The following SNAP91 variants were observed in gnomAD, a reference collection of about 807,000 sequenced individuals.
SNAP91 encodes the protein clathrin coat assembly protein AP180.
In SNAP91, 27 loss-of-function variants were observed where a neutral mutation model predicts 100.3. That is an observed-to-expected ratio of 0.27 (90% confidence interval 0.20 to 0.37). The LOEUF (loss-of-function observed/expected upper bound fraction) is 0.37. SNAP91 is among the 10% of genes least tolerant of loss of function. The probability of loss-of-function intolerance (pLI) is 1.00; values close to 1 mark genes in which losing one functional copy is unlikely to be tolerated. For synonymous variants in SNAP91, 404 were observed against 398.6 expected (o/e 1.01, Z -0.16); for missense variants, 986 against 1,123.7 (o/e 0.88, Z 1.75).
At chr6:83,600,369 T>C (rs115998079) in intron 16 of SNAP91, among the ~76,000 whole-genome samples, 1 of 152,316 alleles carries the variant, frequency 6.6e-6, no homozygotes, top group African/African-American at 2.4e-5. Context: ...CTCTCTTGCT[T>C]TCACCATTTT....
rs1415756885 is a variant in SNAP91 at position 83,678,752 on chromosome 6, C to T, written c.131-13171G>A. The T allele has an allele frequency of 3.1e-6, 4 of 1,289,518 alleles. No individual in the cohort carries two copies. The South Asian group carries it at 4.9e-5, about 16-fold the overall frequency. 79.9% of individuals were successfully genotyped at this position (1,289,518 alleles called of 1,614,324 possible). A position where few individuals can be genotyped will look rare whatever the true frequency, so the allele number is the denominator to read the frequency against. ...GGCACCATCTCCCAGCATTATCCCACCTCTTTGGCCTTACCAAAGCCTTAC... is the reference window on the plus strand; with the variant it reads ...GGCACCATCTCCCAGCATTATCCCATCTCTTTGGCCTTACCAAAGCCTTAC... On this transcript the variant is annotated intron_variant, in intron 2 of 29. Coordinates refer to ENST00000369694, the MANE Select transcript of SNAP91 (RefSeq NM_001242792.2).
In SNAP91 at chr6:83,605,671, C is replaced by G; in HGVS notation, c.1141+14G>C. 1 of 1,550,836 alleles carries G rather than the reference C, an allele frequency of 6.4e-7. No individual in the cohort carries two copies. ...ATGAATAGAGAAATGGCAAGGTTGT[C>G]TGGTTTTACTCACCTCCCCATGCAG... is the stretch of plus-strand genomic sequence containing the variant. On this transcript the variant is annotated intron_variant, in intron 14 of 29. Coordinates refer to ENST00000369694, the MANE Select transcript of SNAP91 (RefSeq NM_001242792.2).
rs983829307 is a variant in SNAP91, at chr6:83,580,719, A to G, written c.2150-120T>C. The G allele has an allele frequency of 6.4e-6, 6 of 935,674 alleles. 1 individual carries two copies. The highest frequency in any genetic ancestry group is 6.2e-6 in the Non-Finnish European group (4 of 647,672). 58.0% of individuals were successfully genotyped at this position (935,674 alleles called of 1,614,324 possible). A position where few individuals can be genotyped will look rare whatever the true frequency, so the allele number is the denominator to read the frequency against. On this transcript the variant is annotated intron_variant, in intron 23 of 29. Coordinates refer to ENST00000369694, the MANE Select transcript of SNAP91 (RefSeq NM_001242792.2). ...AAGTGAATATAAAATCTTATAAAAG[A>G]AGGCAAGTAATTCACACTTTTCATG...
At chr6:83,641,509 T>G (rs1366535702) in intron 7 of SNAP91, among the ~76,000 whole-genome samples, 1 of 152,198 alleles carries the variant, frequency 6.6e-6, no homozygotes, top group African/African-American at 2.4e-5. Context: ...ATATCCTGTC[T>G]TGGAAAACAG....
chr6:83,639,974 T>C (rs367863248), intron 8 of SNAP91, among the ~76,000 whole-genome samples: 72 of 152,264 alleles, frequency 4.7e-4, no homozygotes, highest in African/African-American at 1.7e-3. Flanking sequence ...TAAGCAATTC[T>C]ATCATTTCTT....
At chr6:83,580,130 C>T (rs1825921299) in intron 24 of SNAP91, among the ~76,000 whole-genome samples, 1 of 152,028 alleles carries the variant, frequency 6.6e-6, no homozygotes, top group Non-Finnish European at 1.5e-5. Flanking sequence ...TTCTTATTTC[C>T]AAATGAAATG....
chr6:83,568,206 G>A (rs5001417), intron 26 of SNAP91, among the ~76,000 whole-genome samples: 67,031 of 151,834 alleles, frequency 0.44, 15,136 homozygotes, highest in South Asian at 0.53. Context: ...GGACATGGAT[G>A]AAGCTGGAAA....
intron 2 of SNAP91, among the ~76,000 whole-genome samples, chr6:83,696,381 C>T (rs1297619784): frequency 6.6e-6 from 1 of 152,154 alleles, no homozygotes; most frequent in African/African-American, 2.4e-5. Context: ...TCAGTATTAA[C>T]ACATACAGAA....
intron 2 of SNAP91, among the ~76,000 whole-genome samples, chr6:83,667,006 C>A (rs2098699603): frequency 6.6e-6 from 1 of 152,020 alleles, no homozygotes; most frequent in Non-Finnish European, 1.5e-5. Context: ...GCACTGTGTA[C>A]AATATTTATT....
intron 2 of SNAP91, among the ~76,000 whole-genome samples, chr6:83,697,096 G>C (rs1224549669): frequency 6.6e-6 from 1 of 151,900 alleles, no homozygotes; most frequent in East Asian, 1.9e-4. Context: ...ACTGCTTGTC[G>C]AAAGCCCCCA....
intron 26 of SNAP91, among the ~76,000 whole-genome samples, chr6:83,564,254 A>G (rs1793151412): frequency 6.6e-6 from 1 of 152,004 alleles, no homozygotes; most frequent in South Asian, 2.1e-4. Context: ...AATATGTCAG[A>G]CGGTCAATTA....
rs566745160 is a variant in SNAP91, at chr6:83,668,484, G to A, written c.131-2903C>T. On this transcript the variant is annotated intron_variant, in intron 2 of 29. Transcript: ENST00000369694. ...AGAAAATGTGGCACATATACACCACGGAATACTATGCAGCCATAAAAAATG... is the reference window on the plus strand; with the variant it reads ...AGAAAATGTGGCACATATACACCACAGAATACTATGCAGCCATAAAAAATG... Among the ~76,000 whole-genome samples the A allele has an allele frequency of 1.4e-3, 218 of 152,154 alleles. 2 individuals are homozygous for A. Among genetic ancestry groups the A allele is most frequent in the African/African-American group, 2.3e-3 (94 of 41,504 alleles).
intron 14 of SNAP91, among the ~76,000 whole-genome samples, chr6:83,604,523 A>G (rs1369380041): frequency 6.6e-6 from 1 of 152,154 alleles, no homozygotes; most frequent in East Asian, 1.9e-4. Flanking sequence ...TGGAAATGAG[A>G]TCAAGAGATT....
At chr6:83,596,849 T>C (rs1460923024) in intron 16 of SNAP91, among the ~76,000 whole-genome samples, 6 of 152,232 alleles carry the variant, frequency 3.9e-5, no homozygotes, top group Non-Finnish European at 8.8e-5. Flanking sequence ...CTGAGCTTTA[T>C]GTGTTTAGCC....
chr6:83,571,693 A>C (rs1363022321), intron 26 of SNAP91, among the ~76,000 whole-genome samples: 2 of 152,196 alleles, frequency 1.3e-5, no homozygotes, highest in East Asian at 3.8e-4. Context: ...TTTTGAGTTA[A>C]TGTTAAAATG....
intron 22 of SNAP91, among the ~76,000 whole-genome samples, chr6:83,585,679 G>C (rs986762046): frequency 6.6e-6 from 1 of 152,010 alleles, no homozygotes; most frequent in African/African-American, 2.4e-5. Context: ...TTGATACACT[G>C]CTTTTTAATC....
chr6:83,610,446 A>T (rs1385655609), intron 12 of SNAP91, among the ~76,000 whole-genome samples: 1 of 151,080 alleles, frequency 6.6e-6, no homozygotes, highest in African/African-American at 2.4e-5. Flanking sequence ...TTGCCAGGGG[A>T]TCGGGGAGAG....
chr6:83,687,079 C>G (rs1052752219), intron 2 of SNAP91, among the ~76,000 whole-genome samples: 12 of 152,142 alleles, frequency 7.9e-5, no homozygotes, highest in African/African-American at 2.9e-4. Context: ...TTACAGTTAG[C>G]CAGGTACCCT....
intron 2 of SNAP91, chr6:83,678,814 G>A: frequency 7.8e-7 from 1 of 1,284,426 alleles, no homozygotes; most frequent in Non-Finnish European, 1.0e-6. Flanking sequence ...TTACTTCCTA[G>A]GAGGAATCAT....
Sources: allele counts gnomAD v4.1 joint callset (sites outside exome capture counted in the v4.1 genomes callset), GRCh38; gene constraint gnomAD v4.1.1; transcripts MANE v1.5; gene names NCBI Gene and HGNC (gene_info 2026-07-23, HGNC 2026-07-21).